PTPRN2: variants seen among roughly 807,000 people sequenced by gnomAD.
PTPRN2 encodes the protein protein tyrosine phosphatase receptor type N2.
PTPRN2 carries 74 observed loss-of-function variants against 118.8 expected under a neutral mutation model. The observed-to-expected ratio is 0.62, with a 90% CI of 0.52 to 0.76. The LOEUF (loss-of-function observed/expected upper bound fraction) is 0.76. Among genes scored for constraint, PTPRN2 ranks in the 30% least tolerant of loss-of-function variants. PTPRN2 has a pLI of 0.00. For missense variants in PTPRN2, 1,481 were observed against 1,394.4 expected (o/e 1.06, Z -0.99); for synonymous variants, 641 against 608.0 (o/e 1.05, Z -0.80).
intron 17 of PTPRN2, among the ~76,000 whole-genome samples, chr7:157,582,022 G>A (rs536025490): frequency 3.3e-5 from 5 of 152,332 alleles, no homozygotes; most frequent in East Asian, 3.9e-4. Context: ...TTCGGAGAGC[G>A]TGGCCCTGCT....
intron 12 of PTPRN2, among the ~76,000 whole-genome samples, chr7:157,683,442 C>T (rs1381767520): frequency 2.0e-5 from 3 of 152,188 alleles, no homozygotes; most frequent in Non-Finnish European, 4.4e-5. Context: ...CTCTGTGCAT[C>T]TTCACAGAAC....
intron 13 of PTPRN2, among the ~76,000 whole-genome samples, chr7:157,672,271 C>T (rs1796454520): frequency 6.6e-6 from 1 of 152,154 alleles, no homozygotes; most frequent in Non-Finnish European, 1.5e-5. Flanking sequence ...TCAGAAGAAT[C>T]AGACACGTTT....
intron 11 of PTPRN2, among the ~76,000 whole-genome samples, chr7:157,917,205 G>C (rs917081222): frequency 6.6e-6 from 1 of 152,258 alleles, no homozygotes; most frequent in African/African-American, 2.4e-5. Flanking sequence ...GGAGCTTCTG[G>C]TTCCCCTTCT....
intron 6 of PTPRN2, among the ~76,000 whole-genome samples, chr7:158,149,765 T>A (rs946588720): frequency 6.6e-6 from 1 of 150,774 alleles, no homozygotes; most frequent in East Asian, 2.0e-4. Flanking sequence ...GATTGTGCCA[T>A]TGCACTCCAG....
chr7:158,131,958 C>G (rs532231439), intron 9 of PTPRN2, among the ~76,000 whole-genome samples: 2 of 151,436 alleles, frequency 1.3e-5, no homozygotes, highest in East Asian at 3.9e-4. Flanking sequence ...TGCAAATACG[C>G]ACAGATACAC....
chr7:158,303,525 T>C (rs1801050173), intron 3 of PTPRN2, among the ~76,000 whole-genome samples: 1 of 152,232 alleles, frequency 6.6e-6, no homozygotes, highest in Non-Finnish European at 1.5e-5. Context: ...TAATTTACCA[T>C]ACAGGATTAA....
chr7:158,068,871 G>A (rs1810989950), intron 11 of PTPRN2, among the ~76,000 whole-genome samples: 1 of 152,192 alleles, frequency 6.6e-6, no homozygotes, highest in Non-Finnish European at 1.5e-5. Flanking sequence ...ACAAGGTGTT[G>A]ATAGAGTGCA....
Position 157,990,079 on chromosome 7 carries a change from T to A in PTPRN2, c.1723+91219A>T, listed in dbSNP as rs142910645. Among the ~76,000 whole-genome samples the A allele has an allele frequency of 4.0e-3, 604 of 152,142 alleles. 5 individuals are homozygous for A. Among genetic ancestry groups the A allele is most frequent in the African/African-American group, 0.014 (574 of 41,490 alleles). ...ACAAAACCTGCCCTCCATCCCTCTA[T>A]GAAGAAAAATGCAAGTTGCTCTTCT... On this transcript the variant is annotated intron_variant, in intron 11 of 22. Coordinates refer to ENST00000389418, the MANE Select transcript of PTPRN2 (RefSeq NM_002847.5). The surrounding 1 kb of genome is among the most constrained non-coding windows in gnomAD (Gnocchi z 4.3).
intron 11 of PTPRN2, among the ~76,000 whole-genome samples, chr7:157,947,660 C>A (rs1461703090): frequency 6.6e-6 from 1 of 152,068 alleles, no homozygotes; most frequent in Non-Finnish European, 1.5e-5. Context: ...TTATACTGAC[C>A]AATACTATCC....
At chr7:158,084,207 G>C (rs1813071232) in intron 10 of PTPRN2, among the ~76,000 whole-genome samples, 1 of 152,184 alleles carries the variant, frequency 6.6e-6, no homozygotes, top group African/African-American at 2.4e-5. Context: ...TCTGCCCCCA[G>C]CACCATCAGC....
intron 6 of PTPRN2, among the ~76,000 whole-genome samples, chr7:158,146,589 CG>C (rs1231182991): frequency 6.6e-6 from 1 of 150,754 alleles, no homozygotes; most frequent in Non-Finnish European, 1.5e-5. Context: ...GGCGTGGTGG[CG>C]GGCGCCTGTA....
chr7:157,896,653 C>T (rs1245067300), intron 12 of PTPRN2, among the ~76,000 whole-genome samples: 2 of 151,446 alleles, frequency 1.3e-5, no homozygotes, highest in East Asian at 1.9e-4. Context: ...GAAGGAGCTC[C>T]GTTGTGAGTG....
intron 9 of PTPRN2, among the ~76,000 whole-genome samples, chr7:158,130,524 A>T (rs1225136144): frequency 6.6e-6 from 1 of 151,662 alleles, no homozygotes; most frequent in Non-Finnish European, 1.5e-5. Flanking sequence ...TCATACACAC[A>T]CACGTACATA....
At chr7:158,369,355 G>A (rs1042356301) in intron 2 of PTPRN2, among the ~76,000 whole-genome samples, 1 of 150,904 alleles carries the variant, frequency 6.6e-6, no homozygotes, top group African/African-American at 2.4e-5. Context: ...ATATATATCT[G>A]CCCCTCTAGA....
intron 10 of PTPRN2, among the ~76,000 whole-genome samples, chr7:158,096,233 T>C (rs79755771): frequency 0.011 from 1,610 of 152,256 alleles, 36 homozygotes; most frequent in African/African-American, 0.037. Context: ...GGCCCTTTGT[T>C]GAAGAATTGT....
chr7:158,181,694 G>A (rs188197593), intron 5 of PTPRN2, among the ~76,000 whole-genome samples: 4 of 150,460 alleles, frequency 2.7e-5, no homozygotes, highest in East Asian at 1.9e-4. Flanking sequence ...GAATATATTC[G>A]TGTATTCATT....
At chr7:158,492,977 A>G (rs991198643) in intron 1 of PTPRN2, among the ~76,000 whole-genome samples, 1 of 152,380 alleles carries the variant, frequency 6.6e-6, no homozygotes, top group African/African-American at 2.4e-5. Context: ...TAAATCCACA[A>G]GGAAAGCCAA....
At chr7:157,685,915 G>A (rs920193333) in intron 12 of PTPRN2, among the ~76,000 whole-genome samples, 6 of 152,160 alleles carry the variant, frequency 3.9e-5, no homozygotes, top group African/African-American at 7.2e-5. Flanking sequence ...CAGCAGAGGA[G>A]GGGTGGGAGC....
chr7:157,887,468 C>CCCACTCT (rs1796525590), intron 12 of PTPRN2, among the ~76,000 whole-genome samples: 1 of 81,990 alleles, frequency 1.2e-5, no homozygotes, highest in African/African-American at 5.0e-5. Flanking sequence ...TACCCGCTCC[C>CCCACTCT]CCCATTACCT....
Sources: gnomAD v4.1 joint callset for allele counts (sites outside exome capture counted in the v4.1 genomes callset) on GRCh38, gnomAD v4.1.1 for gene constraint, Gnocchi (gnomAD v3.1) non-coding constraint, MANE v1.5 for transcripts, NCBI Gene and HGNC (gene_info 2026-07-23, HGNC 2026-07-21) for gene names.